Variants in SDK1 observed in about 807,000 individuals in gnomAD.
SDK1 encodes protein sidekick-1.
A neutral mutation model predicts 245.5 loss-of-function variants in SDK1; 157 were observed. The ratio of observed to expected loss-of-function variants is 0.64; its 90% confidence interval spans 0.56 to 0.73. The LOEUF is 0.73. Among genes scored for constraint, SDK1 ranks in the 30% least tolerant of loss-of-function variants. The pLI is 0.00. For synonymous variants in SDK1, 1,647 were observed against 1,278.5 expected, an observed-to-expected ratio of 1.29 and a Z score of -6.15; for missense variants, 3,583 against 3,002.3, an observed-to-expected ratio of 1.19 and a Z score of -4.52.
At chr7:3,767,359 A>G (rs1262864446) in intron 4 of SDK1, among the ~76,000 whole-genome samples, 2 of 152,180 alleles carry the variant, frequency 1.3e-5, no homozygotes, top group African/African-American at 4.8e-5. Context: ...GGGAATGTGT[A>G]AAAAAGAACA....
intron 1 of SDK1, among the ~76,000 whole-genome samples, chr7:3,580,929 A>G (rs1391802594): frequency 2.2e-5 from 3 of 134,674 alleles, no homozygotes; most frequent in African/African-American, 8.3e-5. Flanking sequence ...AGATTGCACC[A>G]CCACATTCCA....
Position 3,324,718 on chromosome 7 carries a change from C to T in SDK1, c.298+22834C>T, listed in dbSNP as rs375739498. Among the ~76,000 whole-genome samples the T allele has an allele frequency of 5.3e-5, 8 of 152,264 alleles. No individual in the cohort carries two copies. The East Asian group carries it at 7.7e-4, about 15-fold the overall frequency. On this transcript the variant is annotated intron_variant, in intron 1 of 44. Coordinates refer to ENST00000404826, the MANE Select transcript of SDK1 (RefSeq NM_152744.4). ...CTGGAAAACTGTTCTTTAGAAAAGT[C>T]ATCCTAATGGGTTCAATTTGAGGTA...
intron 4 of SDK1, among the ~76,000 whole-genome samples, chr7:3,816,218 T>C (rs1003523922): frequency 2.2e-4 from 34 of 151,580 alleles, no homozygotes; most frequent in South Asian, 6.3e-4. Context: ...ATTCAAAAGC[T>C]AGCAGAGGGC....
intron 31 of SDK1, among the ~76,000 whole-genome samples, chr7:4,159,022 G>A (rs1780948098): frequency 6.6e-6 from 1 of 152,210 alleles, no homozygotes; most frequent in Non-Finnish European, 1.5e-5. Flanking sequence ...TATTCTGTGT[G>A]GCCCAGGCCT....
chr7:3,390,024 A>G (rs1054692757), intron 1 of SDK1, among the ~76,000 whole-genome samples: 6 of 152,176 alleles, frequency 3.9e-5, no homozygotes, highest in African/African-American at 1.2e-4. Flanking sequence ...ATATAGTGGC[A>G]GAAACTGTAG....
intron 1 of SDK1, among the ~76,000 whole-genome samples, chr7:3,516,727 G>A (rs1450871429): frequency 6.6e-6 from 1 of 152,162 alleles, no homozygotes; most frequent in Non-Finnish European, 1.5e-5. Flanking sequence ...GAAGTCTGAT[G>A]TGAAGAACTC....
rs148874862 is a variant in SDK1 at position 4,028,153 on chromosome 7, C to T, written c.2602+10801C>T. On this transcript the variant is annotated intron_variant, in intron 17 of 44. Transcript: ENST00000404826. ...GGAACTTGTTAGAAATACAAATTCTCGGGCCTTACTCCAGACCCACTGAAT... is the reference window on the plus strand; with the variant it reads ...GGAACTTGTTAGAAATACAAATTCTTGGGCCTTACTCCAGACCCACTGAAT... Among the ~76,000 whole-genome samples, 8 of 152,228 alleles carry T rather than the reference C, an allele frequency of 5.3e-5. No individual in the cohort carries two copies. In the East Asian group the frequency reaches 7.8e-4, roughly 15 times the overall value.
chr7:4,000,334 C>A (rs549203794), intron 14 of SDK1, among the ~76,000 whole-genome samples: 1 of 152,312 alleles, frequency 6.6e-6, no homozygotes, highest in South Asian at 2.1e-4. Flanking sequence ...CGGCCTGATG[C>A]TTTTTTGTGC....
chr7:4,103,895 C>G (rs990408343), intron 22 of SDK1, among the ~76,000 whole-genome samples: 1 of 152,254 alleles, frequency 6.6e-6, no homozygotes, highest in African/African-American at 2.4e-5. Context: ...CCAGGTCAGA[C>G]GCTCTCAGTT....
chr7:4,125,236 G>A (rs1030133029), intron 25 of SDK1, among the ~76,000 whole-genome samples: 1 of 149,872 alleles, frequency 6.7e-6, no homozygotes, highest in African/African-American at 2.5e-5. Context: ...GATGGATGAT[G>A]GATGGAGGAA....
intron 17 of SDK1, among the ~76,000 whole-genome samples, chr7:4,043,114 C>T (rs1204323334): frequency 1.1e-5 from 1 of 92,560 alleles, no homozygotes; most frequent in Admixed American, 8.8e-5. Flanking sequence ...AGTGTCACAG[C>T]CAGGGGCTCA....
At chr7:3,726,964 A>G (rs1182764569) in intron 4 of SDK1, among the ~76,000 whole-genome samples, 1 of 152,256 alleles carries the variant, frequency 6.6e-6, no homozygotes, top group Non-Finnish European at 1.5e-5. Context: ...TTTATTGCAT[A>G]CTAATCAAAC....
At chr7:3,845,769 C>T (rs1452183439) in intron 5 of SDK1, among the ~76,000 whole-genome samples, 2 of 151,076 alleles carry the variant, frequency 1.3e-5, no homozygotes, top group African/African-American at 2.4e-5. Context: ...TAACACTGAA[C>T]AGGTTGCTTG....
At chr7:3,910,791 C>T (rs2128108679) in intron 5 of SDK1, among the ~76,000 whole-genome samples, 1 of 152,354 alleles carries the variant, frequency 6.6e-6, no homozygotes, top group African/African-American at 2.4e-5. Flanking sequence ...CCTCTCCTTG[C>T]ATCCCTCGTG....
At chr7:4,237,813 C>G (rs372571395) in intron 42 of SDK1, 29 bp downstream of exon 42, 3 of 1,612,450 alleles carry the variant, frequency 1.9e-6, no homozygotes, top group Non-Finnish European at 2.5e-6. Flanking sequence ...CCTCGCGTGT[C>G]CCACGATGCC....
intron 2 of SDK1, among the ~76,000 whole-genome samples, chr7:3,620,834 C>G (rs568417512): frequency 6.6e-6 from 1 of 152,180 alleles, no homozygotes; most frequent in African/African-American, 2.4e-5. Context: ...TCCCATTACC[C>G]ACCCACACTT....
intron 37 of SDK1, among the ~76,000 whole-genome samples, chr7:4,209,234 C>T (rs183587942): frequency 4.0e-4 from 61 of 152,244 alleles, no homozygotes; most frequent in African/African-American, 1.2e-3. Flanking sequence ...TGAGCACTGC[C>T]GGCCTGGCAG....
chr7:4,057,561 C>T (rs1442837781), intron 19 of SDK1, among the ~76,000 whole-genome samples: 2 of 152,056 alleles, frequency 1.3e-5, no homozygotes, highest in African/African-American at 4.8e-5. Flanking sequence ...AGAACCCACC[C>T]ACCTGCTTGG....
At chr7:3,852,961 C>G (rs1042838430) in intron 5 of SDK1, among the ~76,000 whole-genome samples, 34 of 152,046 alleles carry the variant, frequency 2.2e-4, no homozygotes, top group Non-Finnish European at 4.7e-4. Flanking sequence ...CTAATTAGCT[C>G]TGTTTTCCTA....
Sources: gnomAD v4.1 joint callset for allele counts (sites outside exome capture counted in the v4.1 genomes callset) on GRCh38, gnomAD v4.1.1 for gene constraint, MANE v1.5 for transcripts, NCBI Gene and HGNC (gene_info 2026-07-23, HGNC 2026-07-21) for gene names.